The following IL17RD variants were observed in gnomAD, a reference collection of about 807,000 sequenced individuals.
IL17RD encodes the protein interleukin 17 receptor D, also known as interleukin-17 receptor D.
In IL17RD, 52 loss-of-function variants were observed where a neutral mutation model predicts 80.5. That is an observed-to-expected ratio of 0.65 (90% CI 0.52 to 0.81). The LOEUF is 0.81. IL17RD is among the 40% of genes least tolerant of loss of function. IL17RD has a pLI of 0.00. For synonymous variants in IL17RD, 416 were observed against 391.8 expected (o/e 1.06, Z -0.73); for missense variants, 1,024 against 955.1 (o/e 1.07, Z -0.95).
intron 1 of IL17RD, among the ~76,000 whole-genome samples, chr3:57,141,316 G>A (rs1707824056): frequency 1.3e-5 from 2 of 152,180 alleles, no homozygotes; most frequent in Non-Finnish European, 2.9e-5. Flanking sequence ...GGTCTGAACA[G>A]AACCATGTCA....
At chr3:57,130,073 T>A (rs1707573922) in intron 1 of IL17RD, among the ~76,000 whole-genome samples, 1 of 152,240 alleles carries the variant, frequency 6.6e-6, no homozygotes, top group Admixed American at 6.5e-5. Context: ...AGGGTGTATT[T>A]GCTTTTAATT....
chr3:57,161,416 G>A (rs2060304204), intron 1 of IL17RD, among the ~76,000 whole-genome samples: 1 of 152,214 alleles, frequency 6.6e-6, no homozygotes. Context: ...TCTTTTCCAA[G>A]TACCACCCTA....
intron 5 of IL17RD, among the ~76,000 whole-genome samples, chr3:57,109,209 C>T (rs1202667635): frequency 6.6e-6 from 1 of 152,122 alleles, no homozygotes; most frequent in African/African-American, 2.4e-5. Flanking sequence ...AGTGCAGTGG[C>T]CCAATCTTGG....
At position 57,095,995 on chromosome 3, in the gene IL17RD, C is replaced by T. The variant is rs1706661984; in HGVS notation, c.*398G>A. On this transcript the variant is annotated 3_prime_UTR_variant, in exon 13 of 13. Transcript: ENST00000296318. ...GTTAAAAGTGCCTTTTTTCACAAAG[C>T]ATTTCAAATCAAGGTAGCCAATAGC... 5.9e-6 allele frequency: 1 copy of T among 168,590 alleles called. No homozygotes were observed. Among genetic ancestry groups the T allele is most frequent in the Admixed American group, 6.0e-5 (1 of 16,640 alleles). 10.4% of individuals were successfully genotyped at this position (168,590 alleles called of 1,614,324 possible). A position where few individuals can be genotyped will look rare whatever the true frequency, so the allele number is the denominator to read the frequency against.
intron 4 of IL17RD, 44 bp from the exon 5 acceptor site, chr3:57,109,701 C>T: frequency 1.3e-6 from 2 of 1,590,808 alleles, no homozygotes; most frequent in Middle Eastern, 1.7e-4. Flanking sequence ...AGAAATTACC[C>T]ACCCCTCCAC....
Position 57,122,740 on chromosome 3 carries a change from CTTTTTTTTT to C in IL17RD, c.127-2436_127-2428del, listed in dbSNP as rs754491969. Among the ~76,000 whole-genome samples the C allele has an allele frequency of 2.1e-3, 251 of 117,030 alleles. 2 individuals carry two copies. The highest frequency in any genetic ancestry group is 7.9e-3 in the African/African-American group (244 of 31,034). 76.8% of individuals were successfully genotyped at this position (117,030 alleles called of 152,430 possible). On this transcript the variant is annotated intron_variant, in intron 1 of 12. Coordinates refer to ENST00000296318, the MANE Select transcript of IL17RD (RefSeq NM_017563.5). The stretch of plus-strand genomic sequence containing the variant: ...ACTGGGTCTGGGTCTCCTCAACTGT[CTTTTTTTTT>C]TTTTTTTTTTTTAAAGAATTTACAT...
At chr3:57,155,893 G>A (rs1444883323) in intron 1 of IL17RD, among the ~76,000 whole-genome samples, 1 of 152,174 alleles carries the variant, frequency 6.6e-6, no homozygotes, top group Non-Finnish European at 1.5e-5. Context: ...TCCTTGCCCA[G>A]AGGAACTTTT....
rs920591349 is a variant in IL17RD at position 57,164,918 on chromosome 3, G to C, written c.126+243C>G. 32 of 1,252,534 alleles carry C rather than the reference G, an allele frequency of 2.6e-5. No homozygotes were observed. In the East Asian group the frequency reaches 6.0e-4, roughly 23 times the overall value. 77.6% of individuals were successfully genotyped at this position (1,252,534 alleles called of 1,614,324 possible). A position where few individuals can be genotyped will look rare whatever the true frequency, so the allele number is the denominator to read the frequency against. ...CCCTCTGAATGGGACCCCGGCCGGC[G>C]GCCGCACCTCATTAGCAACACAAAG... On this transcript the variant is annotated intron_variant, in intron 1 of 12. Transcript: ENST00000296318.
intron 1 of IL17RD, among the ~76,000 whole-genome samples, chr3:57,121,752 C>T (rs1707344686): frequency 6.6e-6 from 1 of 152,172 alleles, no homozygotes; most frequent in Non-Finnish European, 1.5e-5. Flanking sequence ...CTAAAGGCTG[C>T]TCAACCTGCA....
rs1559486486 is a variant in IL17RD, at chr3:57,154,281, TATAC to T, written c.126+10876_126+10879del. Among the ~76,000 whole-genome samples, 2 of 133,118 alleles carry T rather than the reference TATAC, an allele frequency of 1.5e-5. 1 individual carries two copies. Among genetic ancestry groups the T allele is most frequent in the African/African-American group, 6.2e-5 (2 of 32,234 alleles). 87.3% of individuals were successfully genotyped at this position (133,118 alleles called of 152,430 possible). ...AAAATTATATATATATATATATATA[TATAC>T]ACACACACACACACACATACATACA... On this transcript the variant is annotated intron_variant, in intron 1 of 12. Transcript: ENST00000296318.
At chr3:57,167,717 G>A (rs956264216), upstream of IL17RD, among the ~76,000 whole-genome samples, 1 of 152,194 alleles carries the variant, frequency 6.6e-6, no homozygotes, top group Admixed American at 6.5e-5. Flanking sequence ...GCTGGATTAT[G>A]CACATTTAAA....
At chr3:57,164,030 G>A (rs2060326967) in intron 1 of IL17RD, among the ~76,000 whole-genome samples, 1 of 152,150 alleles carries the variant, frequency 6.6e-6, no homozygotes, top group African/African-American at 2.4e-5. Flanking sequence ...AGAAGAGGCT[G>A]AGTCAACGTT....
chr3:57,112,701 G>T (rs548438573), intron 3 of IL17RD, among the ~76,000 whole-genome samples: 1 of 143,582 alleles, frequency 7.0e-6, no homozygotes, highest in East Asian at 2.0e-4. Context: ...ACCCCAGTAG[G>T]TTAAAACCCA....
rs771445233 is a variant in IL17RD, at chr3:57,097,764, G to C, written c.1939C>G (p.Leu647Val). The part of the protein sequence containing the change: ...LDGSAALQPL[L>V]HTVKAGSPSD... ...GGGCTGCCGGCTTTCACCGTGTGCA[G>C]CAGGGGTTGCAGGGCGGCGCTACCG... The change falls in exon 12 of 13, where the codon CTG becomes GTG. Residue 647 changes from leucine (L) to valine (V), a missense_variant. Coordinates refer to ENST00000296318, the MANE Select transcript of IL17RD (RefSeq NM_017563.5). The C allele has an allele frequency of 6.2e-7, 1 of 1,602,680 alleles. No homozygotes were observed. The highest frequency in any genetic ancestry group is 1.7e-5 in the Admixed American group (1 of 59,140).
chr3:57,138,814 C>T (rs1707776763), intron 1 of IL17RD, among the ~76,000 whole-genome samples: 1 of 151,806 alleles, frequency 6.6e-6, no homozygotes, highest in Admixed American at 6.6e-5. Flanking sequence ...TGGTGCATGC[C>T]TGTAATCCCA....
At chr3:57,165,817 T>C (rs1363838670), upstream of IL17RD, among the ~76,000 whole-genome samples, 2 of 152,114 alleles carry the variant, frequency 1.3e-5, no homozygotes, top group Non-Finnish European at 2.9e-5. Flanking sequence ...CATTTACTAG[T>C]AGGACTTTGG....
chr3:57,149,476 A>G (rs1345830294), intron 1 of IL17RD, among the ~76,000 whole-genome samples: 1 of 152,216 alleles, frequency 6.6e-6, no homozygotes, highest in African/African-American at 2.4e-5. Context: ...CCTCGAGTAT[A>G]AAGTACCACG....
chr3:57,151,455 C>T (rs140866998), intron 1 of IL17RD, among the ~76,000 whole-genome samples: 335 of 152,234 alleles, frequency 2.2e-3, no homozygotes, highest in Non-Finnish European at 3.6e-3. Flanking sequence ...CAAGGAGCAC[C>T]ACAATAATTT....
At chr3:57,106,695 C>G (rs771512402) in intron 5 of IL17RD, among the ~76,000 whole-genome samples, 2 of 152,176 alleles carry the variant, frequency 1.3e-5, no homozygotes, top group Non-Finnish European at 2.9e-5. Flanking sequence ...AACCAGGTAC[C>G]AAAGCCAATA....
Sources: gnomAD v4.1 joint callset for allele counts (sites outside exome capture counted in the v4.1 genomes callset) on GRCh38, gnomAD v4.1.1 for gene constraint, MANE v1.5 for transcripts, NCBI Gene and HGNC (gene_info 2026-07-23, HGNC 2026-07-21) for gene names.